Variants in PRKCQ observed in about 807,000 individuals in gnomAD.
The protein encoded by PRKCQ is protein kinase C theta, also known as protein kinase C theta type.
Under a neutral mutation model 91.2 loss-of-function variants are expected in PRKCQ, and 41 were observed. That is an observed-to-expected ratio of 0.45 (90% CI 0.35 to 0.58). The LOEUF is 0.58. PRKCQ is among the 20% of genes least tolerant of loss of function. The pLI, the probability that PRKCQ is intolerant of heterozygous loss-of-function variation, is 0.00. For missense variants in PRKCQ, 673 were observed against 896.5 expected, an observed-to-expected ratio of 0.75 and a Z score of 3.18; for synonymous variants, 307 against 316.9, an observed-to-expected ratio of 0.97 and a Z score of 0.33.
chr10:6,571,243 G>A (rs750315047), intron 1 of PRKCQ, among the ~76,000 whole-genome samples: 8 of 152,200 alleles, frequency 5.3e-5, no homozygotes, highest in South Asian at 4.1e-4. Flanking sequence ...TGTGATCCCA[G>A]TGACCACAGA....
At chr10:6,533,281 A>G (rs892540762) in intron 1 of PRKCQ, among the ~76,000 whole-genome samples, 1 of 152,046 alleles carries the variant, frequency 6.6e-6, no homozygotes, top group Admixed American at 6.6e-5. Context: ...CACTGCAACC[A>G]CCATCTCCCG....
At chr10:6,485,069 A>G in intron 10 of PRKCQ, 83 bp downstream of exon 10, 3 of 1,232,354 alleles carry the variant, frequency 2.4e-6, no homozygotes, top group Admixed American at 3.5e-5. Context: ...AGGTAAGCTG[A>G]TAACTTAAAT....
At chr10:6,450,524 A>T (rs1834603572) in intron 15 of PRKCQ, among the ~76,000 whole-genome samples, 1 of 152,230 alleles carries the variant, frequency 6.6e-6, no homozygotes, top group African/African-American at 2.4e-5. Flanking sequence ...CAGATCAATG[A>T]GACAGAAAGT....
intron 1 of PRKCQ, among the ~76,000 whole-genome samples, chr10:6,519,411 C>G (rs77527999): frequency 9.9e-5 from 15 of 152,246 alleles, no homozygotes; most frequent in African/African-American, 3.4e-4. Flanking sequence ...ACCCAGGGGT[C>G]GAGGATTCAG....
Position 6,445,121 on chromosome 10 carries a change from CAA to C in PRKCQ, c.1648-3042_1648-3041del, listed in dbSNP as rs61291267. On this transcript the variant is annotated intron_variant, in intron 15 of 17. Transcript: ENST00000263125. Reference sequence around the variant, plus strand: ...CCTAGGTGACAGAGCAAGACTCTGTCAAAAAAAAAAAAAAAAAAAAAAAAAAA... The same window carrying C: ...CCTAGGTGACAGAGCAAGACTCTGTCAAAAAAAAAAAAAAAAAAAAAAAAA... 1.2e-3 allele frequency among the ~76,000 whole-genome samples: 125 copies of C among 105,352 alleles called. 1 individual carries two copies. Among genetic ancestry groups the C allele is most frequent in the African/African-American group, 5.3e-3 (120 of 22,608 alleles). 69.1% of individuals were successfully genotyped at this position (105,352 alleles called of 152,430 possible). A position where few individuals can be genotyped will look rare whatever the true frequency, so the allele number is the denominator to read the frequency against.
At chr10:6,395,776 C>T in the PRKCQ span, among the ~76,000 whole-genome samples, 1 of 152,176 alleles carries the variant, frequency 6.6e-6, no homozygotes, top group Non-Finnish European at 1.5e-5. Context: ...GGTCAGATCT[C>T]TTTCACTGTC....
chr10:6,442,185 G>A (rs1286478089), intron 15 of PRKCQ, 104 bp from the exon 16 acceptor site: 2 of 1,150,022 alleles, frequency 1.7e-6, no homozygotes, highest in South Asian at 1.6e-5. Flanking sequence ...CGAGGATGAT[G>A]GTGTGCAAGA....
chr10:6,421,795 G>C, the PRKCQ span, among the ~76,000 whole-genome samples: 1 of 152,238 alleles, frequency 6.6e-6, no homozygotes, highest in South Asian at 2.1e-4. This position sits in a 1 kb window ranked among gnomAD's most constrained non-coding sequence, Gnocchi z 4.1. Flanking sequence ...TTCCAGTAGA[G>C]AAAGGTGGTG....
intron 8 of PRKCQ, among the ~76,000 whole-genome samples, chr10:6,488,712 A>G (rs1837076802): frequency 6.6e-6 from 1 of 152,174 alleles, no homozygotes; most frequent in Non-Finnish European, 1.5e-5. Flanking sequence ...GACCGAGTAT[A>G]TAGGCATAGA....
chr10:6,413,097 C>T, the PRKCQ span, among the ~76,000 whole-genome samples: 3 of 152,152 alleles, frequency 2.0e-5, no homozygotes, highest in Non-Finnish European at 4.4e-5. Flanking sequence ...GGACTACAGG[C>T]ACCCGCCACC....
intron 1 of PRKCQ, among the ~76,000 whole-genome samples, chr10:6,522,744 C>A (rs1016772271): frequency 6.6e-6 from 1 of 152,046 alleles, no homozygotes; most frequent in Non-Finnish European, 1.5e-5. Flanking sequence ...ATTAAAATAA[C>A]AATAGTCATC....
At chr10:6,422,909 T>C (rs1046459946), downstream of PRKCQ, among the ~76,000 whole-genome samples, 1 of 151,722 alleles carries the variant, frequency 6.6e-6, no homozygotes, top group Non-Finnish European at 1.5e-5. Flanking sequence ...CTGGTGGGAG[T>C]TGCTGCCAAC....
At chr10:6,564,375 C>G (rs2130961753) in intron 1 of PRKCQ, among the ~76,000 whole-genome samples, 1 of 152,232 alleles carries the variant, frequency 6.6e-6, no homozygotes, top group South Asian at 2.1e-4. Flanking sequence ...GCAGCTGCTG[C>G]AGCCTATCCC....
intron 16 of PRKCQ, among the ~76,000 whole-genome samples, chr10:6,439,069 C>T (rs557290912): frequency 6.6e-6 from 1 of 152,314 alleles, no homozygotes; most frequent in East Asian, 1.9e-4. Flanking sequence ...GAGAATATTT[C>T]GCATCCTCAA....
chr10:6,421,834 C>T, the PRKCQ span, among the ~76,000 whole-genome samples: 1 of 152,220 alleles, frequency 6.6e-6, no homozygotes, highest in East Asian at 1.9e-4. The surrounding 1 kb of genome is among the most constrained non-coding windows in gnomAD (Gnocchi z 4.1). Flanking sequence ...ACCATGTGTG[C>T]TCATCTAACC....
intron 1 of PRKCQ, among the ~76,000 whole-genome samples, chr10:6,538,009 AAAG>A (rs1168676703): frequency 1.3e-5 from 2 of 152,232 alleles, no homozygotes; most frequent in Non-Finnish European, 2.9e-5. Flanking sequence ...ACAGGAAGGA[AAAG>A]AAGGAGGGAA....
At position 6,465,606 on chromosome 10, in the gene PRKCQ, T is replaced by C. The variant is rs1835610313; in HGVS notation, c.1354-1202A>G. ...GGGCATGAATTTGCATCTGAAAGTC[T>C]CACCTGGGTGGTTTCTTAACAGAAT... On this transcript the variant is annotated intron_variant, in intron 12 of 17. Coordinates refer to ENST00000263125, the MANE Select transcript of PRKCQ (RefSeq NM_006257.5). This position sits in a 1 kb window ranked among gnomAD's most constrained non-coding sequence, Gnocchi z 4.4. Among the ~76,000 whole-genome samples the C allele has an allele frequency of 6.6e-6, 1 of 152,252 alleles. No homozygotes were observed. The highest frequency in any genetic ancestry group is 2.1e-4 in the South Asian group (1 of 4,836).
chr10:6,535,737 G>A (rs1038251372), intron 1 of PRKCQ, among the ~76,000 whole-genome samples: 1 of 151,892 alleles, frequency 6.6e-6, no homozygotes, highest in Admixed American at 6.6e-5. Flanking sequence ...GTCTCCCCTC[G>A]CCGCGCCTCT....
At chr10:6,570,553 CTTTTTTTTT>C (rs34824156) in intron 1 of PRKCQ, among the ~76,000 whole-genome samples, 1,386 of 135,208 alleles carry the variant, frequency 0.01, 16 homozygotes, top group South Asian at 0.053. Flanking sequence ...TAAGGGGCTT[CTTTTTTTTT>C]TTTTTTTTCT....
Sources: gnomAD v4.1 joint callset for allele counts (sites outside exome capture counted in the v4.1 genomes callset) on GRCh38, gnomAD v4.1.1 for gene constraint, Gnocchi (gnomAD v3.1) non-coding constraint, MANE v1.5 for transcripts, NCBI Gene and HGNC (gene_info 2026-07-23, HGNC 2026-07-21) for gene names.